Variants in MGAM observed in about 807,000 individuals in gnomAD.
MGAM encodes the protein alpha-1,4-glucosidase.
A neutral mutation model predicts 358.8 loss-of-function variants in MGAM; 253 were observed. The ratio of observed to expected loss-of-function variants is 0.71; its 90% CI spans 0.64 to 0.78. The LOEUF (loss-of-function observed/expected upper bound fraction) is 0.78. Among genes scored for constraint, MGAM ranks in the 30% least tolerant of loss-of-function variants. The pLI is 0.00. For synonymous variants in MGAM, 1,105 were observed against 1,227.1 expected, an observed-to-expected ratio of 0.90 and a Z score of 2.08; for missense variants, 3,080 against 3,432.6, an observed-to-expected ratio of 0.90 and a Z score of 2.57.
At chr7:142,043,178 TATA>T (rs1420297362) in intron 21 of MGAM, among the ~76,000 whole-genome samples, 206 of 11,586 alleles carry the variant, frequency 0.018, 1 homozygote, top group Admixed American at 0.022. Flanking sequence ...TATATATACA[TATA>T]ATATCTAAAT....
Position 142,052,445 on chromosome 7 carries a change from A to T in MGAM, c.2957A>T (p.Glu986Val). The change falls in exon 25 of 71, where the codon GAG becomes GTG. Residue 986 changes from glutamate to valine, a missense_variant and splice_region_variant. Transcript: ENST00000475668. ...ENCTARGCIW[E>V]ASNSSGVPFC... Reference sequence around the variant, plus strand: ...TGCACTGCCCGTGGCTGTATCTGGGAGGTAACCATGCTGATGGGGTTTGTG... The same window carrying T: ...TGCACTGCCCGTGGCTGTATCTGGGTGGTAACCATGCTGATGGGGTTTGTG... 1 of 1,613,192 alleles carries T rather than the reference A, an allele frequency of 6.2e-7. No individual in the cohort carries two copies. Among genetic ancestry groups the T allele is most frequent in the East Asian group, 2.2e-5 (1 of 44,838 alleles).
chr7:142,041,989 T>C (rs1280026080), intron 21 of MGAM, among the ~76,000 whole-genome samples: 1 of 13,188 alleles, frequency 7.6e-5, no homozygotes, highest in African/African-American at 2.9e-4. Context: ...TATAATATAA[T>C]ATATATATAT....
chr7:142,061,135 C>G (rs923954007), intron 34 of MGAM, among the ~76,000 whole-genome samples: 17 of 152,280 alleles, frequency 1.1e-4, no homozygotes, highest in African/African-American at 3.4e-4. Context: ...AAGCCAGCAC[C>G]TTGGAGAACG....
At chr7:142,101,908 C>A (rs76047117) in intron 68 of MGAM, among the ~76,000 whole-genome samples, 92 of 129,976 alleles carry the variant, frequency 7.1e-4, no homozygotes, top group South Asian at 1.3e-3. Context: ...AACTCTGTCT[C>A]AAAAAAAAAA....
chr7:142,030,482 G>C lies in MGAM; in HGVS notation c.1342G>C (p.Val448Leu), dbSNP rs1807379615. Residue 448 changes from valine to leucine, a missense_variant, in exon 11 of 71, where the codon GTC becomes CTC. This residue lies in a region of MGAM where 1,816 missense variants were observed against 1,840.5 expected (regional missense o/e 0.99). Transcript: ENST00000475668. Reference sequence around the variant, plus strand: ...GTTACACAATAATGGACAGAAGCTTGTCATCATTGTGGTATGTACTGCCCT... The same window carrying C: ...GTTACACAATAATGGACAGAAGCTTCTCATCATTGTGGTATGTACTGCCCT... The part of the protein sequence containing the change: ...NELHNNGQKL[V>L]IIVDPAISNN... 1 of 1,613,486 alleles carries C rather than the reference G, an allele frequency of 6.2e-7. No homozygotes were observed. Among genetic ancestry groups the C allele is most frequent in the African/African-American group, 1.3e-5 (1 of 74,872 alleles).
rs1376081545 is a variant in MGAM at position 142,082,941 on chromosome 7, G to A, written c.6269-360G>A. Reference sequence around the variant, plus strand: ...ATGGTATGTTGAAAAGTTACCTATCGGGTACTACGTTTGCTATCTGGATGA... The same window carrying A: ...ATGGTATGTTGAAAAGTTACCTATCAGGTACTACGTTTGCTATCTGGATGA... On this transcript the variant is annotated intron_variant, in intron 52 of 70. Transcript: ENST00000475668. Among the ~76,000 whole-genome samples, 3 of 145,750 alleles carry A rather than the reference G, an allele frequency of 2.1e-5. 1 individual carries two copies. The highest frequency in any genetic ancestry group is 4.7e-5 in the Non-Finnish European group (3 of 64,362).
At chr7:142,057,533 TGGGGTGGTGGTG>T (rs1811680104) in intron 30 of MGAM, among the ~76,000 whole-genome samples, 1 of 20,062 alleles carries the variant, frequency 5.0e-5, no homozygotes, top group South Asian at 1.8e-3. Flanking sequence ...GGATGGTGGT[TGGGGTGGTGGTG>T]GGGGTGGTAG....
At chr7:142,010,079 TA>T (rs1805486442) in intron 3 of MGAM, among the ~76,000 whole-genome samples, 1 of 152,174 alleles carries the variant, frequency 6.6e-6, no homozygotes, top group Non-Finnish European at 1.5e-5. Context: ...TTCTTGGTTG[TA>T]AATACCATTG....
intron 60 of MGAM, 141 bp from the exon 61 acceptor site, chr7:142,094,223 C>T (rs1339372766): frequency 9.6e-7 from 1 of 1,043,662 alleles, no homozygotes; most frequent in African/African-American, 1.5e-5. Context: ...TCAGTGGAGC[C>T]CCCATTACAG....
Position 142,022,669 on chromosome 7 carries a change from G to A in MGAM, c.882+230G>A, listed in dbSNP as rs140110687. On this transcript the variant is annotated intron_variant, in intron 7 of 70. Transcript: ENST00000475668. ...TAATATCTCAATAGGGTTGTGGTGA[G>A]GATGAAATGAACAGATACATGTAAT... 3.3e-3 allele frequency among the ~76,000 whole-genome samples: 495 copies of A among 152,246 alleles called. 15 individuals carry two copies. In the South Asian group the frequency reaches 0.056, roughly 17 times the overall value.
chr7:142,058,715 C>T lies in MGAM; in HGVS notation c.3819+387C>T, dbSNP rs183207367. Among the ~76,000 whole-genome samples the T allele has an allele frequency of 1.5e-4, 23 of 152,336 alleles. No homozygotes were observed. In the East Asian group the frequency reaches 4.4e-3, roughly 29 times the overall value. On this transcript the variant is annotated intron_variant, in intron 31 of 70. Transcript: ENST00000475668. ...AAAGACTAACCACAAATCAATCAGA[C>T]AATTGTATATGTGAATACAACCTCA...
At chr7:142,026,961 T>A (rs1563125829) in intron 8 of MGAM, among the ~76,000 whole-genome samples, 154 bp from the exon 9 acceptor site, 1 of 152,142 alleles carries the variant, frequency 6.6e-6, no homozygotes, top group African/African-American at 2.4e-5. Flanking sequence ...TGGACTTGGA[T>A]GGTCAGGGTT....
intron 47 of MGAM, among the ~76,000 whole-genome samples, chr7:142,077,236 G>T (rs113813567): frequency 0.036 from 5,261 of 145,712 alleles, 450 homozygotes; most frequent in South Asian, 0.1. Context: ...GAAACTTGTG[G>T]TCAGGCTTTG....
chr7:142,102,581 G>A, intron 68 of MGAM, 49 bp from the exon 69 acceptor site: 1 of 1,552,298 alleles, frequency 6.4e-7, no homozygotes, highest in Non-Finnish European at 8.9e-7. Flanking sequence ...ATAGCATAGA[G>A]TTCTACAGCA....
At position 142,062,851 on chromosome 7, in the gene MGAM, A is replaced by G. The variant is rs956157311; in HGVS notation, c.4257+149A>G. ...GACACTTCTTCCTCTCAGGAGAGGAACTGCCCTGGTAGCCCTCACACCTTC... is the reference window on the plus strand; with the variant it reads ...GACACTTCTTCCTCTCAGGAGAGGAGCTGCCCTGGTAGCCCTCACACCTTC... On this transcript the variant is annotated intron_variant, in intron 35 of 70. Transcript: ENST00000475668. 8.7e-6 allele frequency: 12 copies of G among 1,386,864 alleles called. No homozygotes were observed. In the African/African-American group the frequency reaches 1.0e-4, roughly 12 times the overall value. The allele number at this position is 1,386,864 out of a possible 1,614,324, so 85.9% of individuals were successfully genotyped here.
rs191091097 is a variant in MGAM at position 142,086,272 on chromosome 7, G to T, written c.6691G>T (p.Val2231Leu). The T allele has an allele frequency of 2.6e-6, 4 of 1,544,710 alleles. No homozygotes were observed. Among genetic ancestry groups the T allele is most frequent in the Admixed American group, 3.5e-5 (2 of 57,146 alleles). The change falls in exon 56 of 71, where the codon GTG (valine) becomes TTG (leucine). Residue 2231 changes from valine to leucine, a missense_variant. By Grantham distance (32) the Val-to-Leu change is conservative. Around this residue, in one of 5 missense-constraint regions of MGAM, gnomAD observed 932 missense variants for 1,198.2 expected, o/e 0.78. Transcript: ENST00000475668. The stretch of plus-strand genomic sequence containing the variant: ...GCCCTATCCTGCCTTCACTCGGGGC[G>T]TGGAGGATGACGTCTTCATCAAGTA... ...TQPYPAFTRG[V>L]EDDVFIKYPN...
Position 142,099,585 on chromosome 7 carries a change from G to A in MGAM, c.7750-28G>A, listed in dbSNP as rs779711093. The A allele has an allele frequency of 6.6e-5, 107 of 1,613,610 alleles. 1 individual carries two copies. The South Asian group carries it at 1.1e-3, about 17-fold the overall frequency. The stretch of plus-strand genomic sequence containing the variant: ...CAGGGAGGGGCCTGTCCTCTCCTTA[G>A]TCATCTCTTACCTTCTTCTGCCTCC... On this transcript the variant is annotated intron_variant, in intron 66 of 70. Coordinates refer to ENST00000475668, the MANE Select transcript of MGAM (RefSeq NM_001365693.1).
intron 68 of MGAM, among the ~76,000 whole-genome samples, chr7:142,102,002 G>A (rs1468249817): frequency 1.3e-5 from 2 of 151,900 alleles, no homozygotes; most frequent in Non-Finnish European, 2.9e-5. Context: ...CGAGGGCAGG[G>A]TGTAGGATGG....
intron 1 of MGAM, among the ~76,000 whole-genome samples, chr7:142,001,007 T>C (rs1307734753): frequency 6.6e-6 from 1 of 152,244 alleles, no homozygotes; most frequent in African/African-American, 2.4e-5. Context: ...GGATAGACAT[T>C]CTAACTCCTC....
Sources: allele counts gnomAD v4.1 joint callset (sites outside exome capture counted in the v4.1 genomes callset), GRCh38; gene constraint gnomAD v4.1.1; regional missense constraint gnomAD v4.1.1; transcripts MANE v1.5; gene names NCBI Gene and HGNC (gene_info 2026-07-23, HGNC 2026-07-21).